ANK3: variants seen among roughly 807,000 people sequenced by gnomAD.
ANK3 encodes ankyrin-3.
A neutral mutation model predicts 370.9 loss-of-function variants in ANK3; 57 were observed. The ratio of observed to expected loss-of-function variants is 0.15; its 90% CI spans 0.12 to 0.19. The LOEUF (loss-of-function observed/expected upper bound fraction) is 0.19, where lower values mean the gene tolerates loss of function less well. Among genes scored for constraint, ANK3 ranks in the 10% least tolerant of loss-of-function variants. The pLI is 1.00. For missense variants in ANK3, 4,439 were observed against 5,302.1 expected, an observed-to-expected ratio of 0.84 and a Z score of 5.06; for synonymous variants, 1,929 against 1,946.3, an observed-to-expected ratio of 0.99 and a Z score of 0.23.
chr10:60,502,153 A>T (rs1016509764), intron 2 of ANK3, among the ~76,000 whole-genome samples: 5 of 152,198 alleles, frequency 3.3e-5, no homozygotes, highest in Admixed American at 2.6e-4. Context: ...AAGCTGTCTG[A>T]AGCCTCAAGA....
intron 1 of ANK3, among the ~76,000 whole-genome samples, chr10:60,672,527 G>A (rs1242113237): frequency 6.6e-6 from 1 of 152,204 alleles, no homozygotes; most frequent in African/African-American, 2.4e-5. Flanking sequence ...CCATGTGGCT[G>A]AAGGGTGGTG....
intron 2 of ANK3, among the ~76,000 whole-genome samples, chr10:60,612,335 T>A (rs1383895673): frequency 6.6e-6 from 1 of 152,076 alleles, no homozygotes; most frequent in Non-Finnish European, 1.5e-5. Context: ...CTGAGGCAGA[T>A]GAGTATATAC....
At chr10:60,050,467 C>T (rs1166124538) in intron 42 of ANK3, among the ~76,000 whole-genome samples, 1 of 152,142 alleles carries the variant, frequency 6.6e-6, no homozygotes, top group Non-Finnish European at 1.5e-5. Context: ...AACTTCTGTG[C>T]TTTCTGTTGG....
intron 2 of ANK3, among the ~76,000 whole-genome samples, chr10:60,413,979 A>C (rs2063610560): frequency 6.6e-6 from 1 of 152,226 alleles, no homozygotes. Flanking sequence ...CCTGAGTGAC[A>C]GAGTGAGACC....
chr10:60,222,247 A>G (rs2132489302), intron 8 of ANK3, among the ~76,000 whole-genome samples: 1 of 152,304 alleles, frequency 6.6e-6, no homozygotes, highest in East Asian at 1.9e-4. Context: ...CTGCACAGGC[A>G]GCGCTGGCCC....
At chr10:60,624,745 T>C (rs369186362) in intron 1 of ANK3, among the ~76,000 whole-genome samples, 1 of 133,786 alleles carries the variant, frequency 7.5e-6, no homozygotes, top group African/African-American at 2.8e-5. Flanking sequence ...AAAAAACTGG[T>C]GGAATTGAGG....
In ANK3 at chr10:60,134,336, T is replaced by A. The variant is rs759604035; in HGVS notation, c.2776A>T (p.Asn926Tyr). Residue 926 changes from asparagine to tyrosine, a missense_variant, in exon 25 of 44, where the codon AAC becomes TAC. Coordinates refer to ENST00000280772, the MANE Select transcript of ANK3 (RefSeq NM_020987.5). ...SFSSDRSYTL[N>Y]RSSYARDSMM... ...CTGTCCCGTGCATAGGAGCTTCTGT[T>A]CAAGGTGTAAGACCTATCCGAACTG... 4 of 1,613,908 alleles carry A rather than the reference T, an allele frequency of 2.5e-6. No homozygotes were observed. The highest frequency in any genetic ancestry group is 3.4e-6 in the Non-Finnish European group (4 of 1,179,898).
chr10:60,391,420 T>C (rs548709126), upstream of ANK3, among the ~76,000 whole-genome samples: 7 of 152,386 alleles, frequency 4.6e-5, no homozygotes, highest in South Asian at 1.0e-3. Context: ...TGGGTCTTTG[T>C]AGTAAAAATG....
intron 2 of ANK3, among the ~76,000 whole-genome samples, chr10:60,588,475 G>A (rs991521297): frequency 2.6e-5 from 4 of 151,636 alleles, no homozygotes; most frequent in Admixed American, 1.3e-4. Context: ...GAGCCACAAC[G>A]CCTGGCCTGT....
intron 2 of ANK3, among the ~76,000 whole-genome samples, chr10:60,567,878 G>A (rs1391978041): frequency 6.6e-6 from 1 of 152,194 alleles, no homozygotes; most frequent in Non-Finnish European, 1.5e-5. Context: ...AACGGCAGAT[G>A]TGGTGGAAAT....
At chr10:60,360,780 C>A (rs980924551) in intron 1 of ANK3, among the ~76,000 whole-genome samples, 6 of 152,030 alleles carry the variant, frequency 3.9e-5, no homozygotes, top group African/African-American at 1.4e-4. Flanking sequence ...TTTATTGAAG[C>A]TTAAAGATTT....
intron 1 of ANK3, among the ~76,000 whole-genome samples, chr10:60,681,516 G>A (rs940117867): frequency 1.1e-4 from 17 of 152,066 alleles, no homozygotes; most frequent in African/African-American, 3.1e-4. Flanking sequence ...GGCTAAATCC[G>A]AATCATCCTT....
chr10:60,253,308 T>A (rs2097693488), intron 7 of ANK3, among the ~76,000 whole-genome samples: 1 of 152,104 alleles, frequency 6.6e-6, no homozygotes, highest in Non-Finnish European at 1.5e-5. Flanking sequence ...CTGGACCACA[T>A]TAGTGATTGA....
In ANK3 at chr10:60,222,221, T is replaced by C. The variant is rs141813813; in HGVS notation, c.898-8711A>G. 2.0e-3 allele frequency among the ~76,000 whole-genome samples: 303 copies of C among 152,276 alleles called. 2 individuals carry two copies. The highest frequency in any genetic ancestry group is 7.0e-3 in the African/African-American group (291 of 41,566). On this transcript the variant is annotated intron_variant, in intron 8 of 43. Coordinates refer to ENST00000280772, the MANE Select transcript of ANK3 (RefSeq NM_020987.5). ...ATCAGGAAGCTGCACAAGATATCAATGATGCGACTGCCTGGCTGCACAGGC... is the reference window on the plus strand; with the variant it reads ...ATCAGGAAGCTGCACAAGATATCAACGATGCGACTGCCTGGCTGCACAGGC...
At chr10:60,615,282 A>G (rs1217074582) in intron 1 of ANK3, 1 of 1,282,910 alleles carries the variant, frequency 7.8e-7, no homozygotes, top group Non-Finnish European at 1.1e-6. Context: ...TATATTTACC[A>G]TGACGGTGAT....
Position 60,082,706 on chromosome 10 carries a change from C to G in ANK3, c.4232G>C (p.Arg1411Pro). 6.2e-7 allele frequency: 1 copy of G among 1,613,986 alleles called. No individual in the cohort carries two copies. The highest frequency in any genetic ancestry group is 8.5e-7 in the Non-Finnish European group (1 of 1,179,932). ...IRDTSQEPCG[R>P]LSFLKEPKTT... is the part of the protein sequence containing the mutation. The stretch of plus-strand genomic sequence containing the variant: ...CTTTGGTTCTTTCAGAAAAGACAGA[C>G]GACCACAGGGCTCTTGGCTGGTGTC... The change falls in exon 34 of 44, where the codon CGT (arginine) becomes CCT (proline). Residue 1411 changes from arginine (R) to proline (P), a missense_variant. Around this residue, in one of 13 missense-constraint regions of ANK3, gnomAD observed 702 missense variants for 941.5 expected, o/e 0.75. Coordinates refer to ENST00000280772, the MANE Select transcript of ANK3 (RefSeq NM_020987.5).
intron 18 of ANK3, among the ~76,000 whole-genome samples, chr10:60,175,964 G>A: frequency 6.6e-6 from 1 of 152,122 alleles, no homozygotes; most frequent in Non-Finnish European, 1.5e-5. Context: ...ATTACCTCGT[G>A]CTGAAAACAG....
At chr10:60,085,322 C>T (rs2086383669) in intron 30 of ANK3, 69 bp from the exon 31 acceptor site, 2 of 1,239,742 alleles carry the variant, frequency 1.6e-6, no homozygotes, top group Non-Finnish European at 2.3e-6. Flanking sequence ...TTCATCAGAT[C>T]CTGTTCTTCT....
intron 18 of ANK3, 94 bp downstream of exon 18, chr10:60,181,235 A>C: frequency 2.8e-6 from 3 of 1,075,738 alleles, no homozygotes; most frequent in Non-Finnish European, 4.3e-6. Context: ...AGATGATTAA[A>C]GGGTTTGTTC....
Sources: allele counts gnomAD v4.1 joint callset (sites outside exome capture counted in the v4.1 genomes callset), GRCh38; gene constraint gnomAD v4.1.1; regional missense constraint gnomAD v4.1.1; transcripts MANE v1.5; gene names NCBI Gene and HGNC (gene_info 2026-07-23, HGNC 2026-07-21).